Variants in CYYR1 observed in about 807,000 individuals in gnomAD.
CYYR1 encodes the protein cysteine and tyrosine-rich protein 1.
Under a neutral mutation model 15.2 loss-of-function variants are expected in CYYR1, and 14 were observed. The observed-to-expected ratio is 0.92, with a 90% CI of 0.61 to 1.44. The LOEUF (loss-of-function observed/expected upper bound fraction) is 1.44. Ranked by LOEUF, CYYR1 falls within the 40% of genes most tolerant of loss-of-function variation. CYYR1 has a pLI of 0.00. For synonymous variants in CYYR1, 80 were observed against 77.4 expected, an observed-to-expected ratio of 1.03 and a Z score of -0.18; for missense variants, 228 against 209.5, an observed-to-expected ratio of 1.09 and a Z score of -0.54.
intron 1 of CYYR1, among the ~76,000 whole-genome samples, chr21:26,566,705 T>C (rs936013106): frequency 1.3e-5 from 2 of 152,162 alleles, no homozygotes; most frequent in Non-Finnish European, 2.9e-5. Flanking sequence ...TTTATAATAA[T>C]TTTTAAATGA....
rs2123347986 is a variant in CYYR1, at chr21:26,468,359, C to A, written c.*142G>T. ...GAGCAGAGTAGAAATCCTATATCTC[C>A]TAGCAGGGATATTCCACCTGACACA... is the stretch of plus-strand genomic sequence containing the variant. On this transcript the variant is annotated 3_prime_UTR_variant, in exon 4 of 4. Transcript: ENST00000652641. 1.4e-6 allele frequency: 1 copy of A among 713,268 alleles called. No homozygotes were observed. The highest frequency in any genetic ancestry group is 1.5e-5 in the South Asian group (1 of 66,280). The allele number at this position is 713,268 out of a possible 1,614,324, so 44.2% of individuals were successfully genotyped here. A position where few individuals can be genotyped will look rare whatever the true frequency, so the allele number is the denominator to read the frequency against.
chr21:26,506,823 G>T (rs565583421), intron 2 of CYYR1: 1 of 152,008 alleles, frequency 6.6e-6, no homozygotes, highest in Non-Finnish European at 1.5e-5. Flanking sequence ...CCCCTCATTT[G>T]GTCACTTGAC....
intron 2 of CYYR1, among the ~76,000 whole-genome samples, chr21:26,541,958 G>A (rs1978577624): frequency 6.6e-6 from 1 of 152,112 alleles, no homozygotes. Flanking sequence ...AAAGTAGCAG[G>A]AGAGGAGCAT....
chr21:26,488,401 C>A (rs1344483995), intron 2 of CYYR1, among the ~76,000 whole-genome samples: 4 of 151,852 alleles, frequency 2.6e-5, no homozygotes, highest in Non-Finnish European at 5.9e-5. Flanking sequence ...ACTATGGGCA[C>A]ACGTCACCAT....
intron 2 of CYYR1, among the ~76,000 whole-genome samples, chr21:26,514,507 C>T (rs535364860): frequency 1.3e-5 from 2 of 152,338 alleles, no homozygotes; most frequent in East Asian, 3.9e-4. Flanking sequence ...TCATCAGAAG[C>T]AGATGCTGCT....
At chr21:26,503,840 G>T (rs961056669) in intron 2 of CYYR1, 1 of 152,208 alleles carries the variant, frequency 6.6e-6, no homozygotes, top group Non-Finnish European at 1.5e-5. Context: ...ATACAAAAGA[G>T]AGATGGGACA....
At chr21:26,571,395 T>C (rs1190384007) in intron 1 of CYYR1, among the ~76,000 whole-genome samples, 2 of 152,230 alleles carry the variant, frequency 1.3e-5, no homozygotes, top group Admixed American at 1.3e-4. Context: ...TAACCACCCT[T>C]GTTGCTGGCC....
chr21:26,489,559 C>A (rs942269400), intron 2 of CYYR1, among the ~76,000 whole-genome samples: 2 of 151,654 alleles, frequency 1.3e-5, no homozygotes, highest in African/African-American at 4.8e-5. Context: ...CATGCACATA[C>A]ATATTGTTTT....
intron 2 of CYYR1, among the ~76,000 whole-genome samples, chr21:26,515,028 T>TC (rs1486540371): frequency 6.6e-6 from 1 of 152,212 alleles, no homozygotes; most frequent in African/African-American, 2.4e-5. Flanking sequence ...CTATCTTTTC[T>TC]CCCCATGTTT....
In CYYR1 at chr21:26,566,347, C is replaced by T; in HGVS notation, c.95G>A (p.Gly32Asp). 1 of 1,613,404 alleles carries T rather than the reference C, an allele frequency of 6.2e-7. No homozygotes were observed. Among genetic ancestry groups the T allele is most frequent in the Non-Finnish European group, 8.5e-7 (1 of 1,179,550 alleles). ...VYADDCLAQC[G>D]KDCKSYCCDG... Reference sequence around the variant, plus strand: ...ACAGCAGTAAGATTTGCAATCTTTGCCACACTGAGCAAGGCAATCATCTAC... The same window carrying T: ...ACAGCAGTAAGATTTGCAATCTTTGTCACACTGAGCAAGGCAATCATCTAC... Residue 32 changes from glycine to aspartate, a missense_variant, in exon 2 of 4, where the codon GGC becomes GAC. By Grantham distance (94) the Gly-to-Asp change is moderately conservative. Transcript: ENST00000652641.
In CYYR1 at chr21:26,476,487, T is replaced by C. The variant is rs190560130; in HGVS notation, c.334+3785A>G. The stretch of plus-strand genomic sequence containing the variant: ...CTGTATGATGGTCTTAAAACAATTC[T>C]TTTCAATTCTATAACTCCCTTCTAC... On this transcript the variant is annotated intron_variant, in intron 3 of 3. Coordinates refer to ENST00000652641, the MANE Select transcript of CYYR1 (RefSeq NM_001320768.2). Among the ~76,000 whole-genome samples the C allele has an allele frequency of 2.0e-5, 3 of 152,238 alleles. No homozygotes were observed. The East Asian group carries it at 5.8e-4, about 29-fold the overall frequency.
chr21:26,570,710 C>A (rs1204709215), intron 1 of CYYR1, among the ~76,000 whole-genome samples: 12 of 152,230 alleles, frequency 7.9e-5, no homozygotes, highest in Admixed American at 7.2e-4. Flanking sequence ...ACAAAGCTGG[C>A]AATTCATTTA....
intron 2 of CYYR1, among the ~76,000 whole-genome samples, chr21:26,492,617 T>C (rs940311529): frequency 2.6e-5 from 4 of 151,960 alleles, no homozygotes; most frequent in African/African-American, 9.7e-5. Flanking sequence ...TCTAAACATA[T>C]AAGTGGTACC....
At chr21:26,517,102 G>C (rs1311946794) in intron 2 of CYYR1, among the ~76,000 whole-genome samples, 2 of 103,680 alleles carry the variant, frequency 1.9e-5, no homozygotes, top group African/African-American at 8.1e-5. Context: ...GCGACAGAGC[G>C]AGACTCCGTC....
chr21:26,535,842 T>G (rs1207111403), intron 2 of CYYR1, among the ~76,000 whole-genome samples: 1 of 152,176 alleles, frequency 6.6e-6, no homozygotes, highest in African/African-American at 2.4e-5. Flanking sequence ...ACTTATGCAG[T>G]GAAACTCAGT....
chr21:26,571,776 C>T (rs1158634572), intron 1 of CYYR1, among the ~76,000 whole-genome samples: 7 of 152,058 alleles, frequency 4.6e-5, no homozygotes, highest in Non-Finnish European at 7.4e-5. Context: ...TCATTAAATA[C>T]GAAGAACTTA....
At chr21:26,572,724 G>A (rs1288167904) in intron 1 of CYYR1, 144 bp downstream of exon 1, 2 of 975,432 alleles carry the variant, frequency 2.1e-6, no homozygotes, top group Admixed American at 6.2e-5. Context: ...GGTTTCTGCC[G>A]TCGCCTCGCG....
At chr21:26,558,881 G>C (rs143956646) in intron 2 of CYYR1, among the ~76,000 whole-genome samples, 3 of 152,104 alleles carry the variant, frequency 2.0e-5, no homozygotes, top group Non-Finnish European at 4.4e-5. Context: ...TTCTGATGGA[G>C]GTGTGGGTTG....
intron 2 of CYYR1, among the ~76,000 whole-genome samples, chr21:26,488,282 T>TTCCA (rs1555904372): frequency 2.0e-4 from 31 of 151,604 alleles, no homozygotes; most frequent in African/African-American, 7.0e-4. Context: ...CCTTCCTTCC[T>TTCCA]TCCAGACAAG....
Sources: gnomAD v4.1 joint callset for allele counts (sites outside exome capture counted in the v4.1 genomes callset) on GRCh38, gnomAD v4.1.1 for gene constraint, MANE v1.5 for transcripts, NCBI Gene and HGNC (gene_info 2026-07-23, HGNC 2026-07-21) for gene names.